The following ADCY2 variants were observed in gnomAD, a reference collection of about 807,000 sequenced individuals.
ADCY2 encodes adenylate cyclase 2, also known as adenylate cyclase type 2.
A neutral mutation model predicts 125.2 loss-of-function variants in ADCY2; 31 were observed. The observed-to-expected ratio is 0.25, with a 90% confidence interval of 0.19 to 0.33. The LOEUF is 0.33. ADCY2 is among the 10% of genes least tolerant of loss of function. ADCY2 has a pLI of 1.00. For missense variants in ADCY2, 904 were observed against 1,418.2 expected (o/e 0.64, Z 5.82); for synonymous variants, 512 against 548.4 (o/e 0.93, Z 0.93).
intron 16 of ADCY2, among the ~76,000 whole-genome samples, chr5:7,760,414 T>C (rs917326506): frequency 4.6e-5 from 7 of 152,166 alleles, no homozygotes; most frequent in Non-Finnish European, 1.0e-4. Flanking sequence ...GTGCACAAGC[T>C]AAGGTTCCAA....
chr5:7,688,516 G>A (rs1326830722), intron 4 of ADCY2, among the ~76,000 whole-genome samples: 6 of 152,008 alleles, frequency 3.9e-5, no homozygotes, highest in Admixed American at 1.3e-4. Context: ...TGATCTGCCC[G>A]CATCAGCCTC....
At chr5:7,546,183 T>G (rs1216314404) in intron 3 of ADCY2, among the ~76,000 whole-genome samples, 1 of 152,190 alleles carries the variant, frequency 6.6e-6, no homozygotes, top group Non-Finnish European at 1.5e-5. Flanking sequence ...TATGGTCCTT[T>G]CTTTACAAGA....
At chr5:7,696,779 C>T (rs2078570620) in intron 6 of ADCY2, among the ~76,000 whole-genome samples, 1 of 151,792 alleles carries the variant, frequency 6.6e-6, no homozygotes, top group Non-Finnish European at 1.5e-5. Flanking sequence ...TTGGGCCAAA[C>T]TCCCCAAGGT....
At chr5:7,805,923 GATT>G (rs1191796343) in intron 22 of ADCY2, among the ~76,000 whole-genome samples, 3 of 152,116 alleles carry the variant, frequency 2.0e-5, no homozygotes, top group African/African-American at 4.8e-5. Context: ...GTTGCCTTCA[GATT>G]ATTATTTTTT....
intron 2 of ADCY2, among the ~76,000 whole-genome samples, chr5:7,498,890 C>T (rs961473274): frequency 9.9e-5 from 15 of 152,112 alleles, no homozygotes; most frequent in African/African-American, 3.4e-4. Flanking sequence ...GGCCAAATGT[C>T]ACAAGTATAA....
At chr5:7,716,853 A>T (rs1039180542) in intron 11 of ADCY2, among the ~76,000 whole-genome samples, 6 of 152,234 alleles carry the variant, frequency 3.9e-5, no homozygotes, top group Non-Finnish European at 7.3e-5. Flanking sequence ...CCCAAACTTT[A>T]GTTGGATAAA....
At chr5:7,815,915 C>T (rs568133934) in intron 22 of ADCY2, among the ~76,000 whole-genome samples, 1 of 152,294 alleles carries the variant, frequency 6.6e-6, no homozygotes, top group East Asian at 1.9e-4. Context: ...AAGATCAAGT[C>T]GTCAGCAAGG....
At chr5:7,597,231 G>C (rs994815626) in intron 3 of ADCY2, among the ~76,000 whole-genome samples, 2 of 152,228 alleles carry the variant, frequency 1.3e-5, no homozygotes, top group African/African-American at 2.4e-5. Context: ...GCAGGGCCAG[G>C]GTGAGGCCAG....
chr5:7,764,828 GTATT>G (rs1293732886), intron 16 of ADCY2, among the ~76,000 whole-genome samples: 1 of 152,192 alleles, frequency 6.6e-6, no homozygotes, highest in Non-Finnish European at 1.5e-5. Context: ...ACTCTCTTGA[GTATT>G]TGACTGGCTA....
chr5:7,610,857 G>A (rs1051647632), intron 3 of ADCY2, among the ~76,000 whole-genome samples: 7 of 152,184 alleles, frequency 4.6e-5, no homozygotes, highest in African/African-American at 1.4e-4. Flanking sequence ...ATGGAATTTG[G>A]TTGTCAAATT....
chr5:7,786,844 C>T (rs752178291), intron 19 of ADCY2, among the ~76,000 whole-genome samples: 5 of 152,158 alleles, frequency 3.3e-5, no homozygotes, highest in Non-Finnish European at 5.9e-5. Flanking sequence ...CCCTGTACTC[C>T]AGCCCAGTAA....
chr5:7,567,512 C>T (rs922047607), intron 3 of ADCY2, among the ~76,000 whole-genome samples: 2 of 152,060 alleles, frequency 1.3e-5, no homozygotes, highest in African/African-American at 2.4e-5. Context: ...ATCTTCTGGC[C>T]TTCTTTCTAG....
intron 4 of ADCY2, among the ~76,000 whole-genome samples, chr5:7,680,966 A>T (rs1740309092): frequency 6.6e-6 from 1 of 152,248 alleles, no homozygotes; most frequent in Non-Finnish European, 1.5e-5. Context: ...TGTGCCAGCA[A>T]CATAGGTACA....
intron 19 of ADCY2, among the ~76,000 whole-genome samples, chr5:7,786,400 T>C (rs903341822): frequency 1.3e-5 from 2 of 152,246 alleles, no homozygotes; most frequent in African/African-American, 4.8e-5. Flanking sequence ...ATGGCCTCAG[T>C]TACTGTATTT....
intron 4 of ADCY2, among the ~76,000 whole-genome samples, chr5:7,656,867 GTA>G (rs1236465897): frequency 6.6e-6 from 1 of 152,190 alleles, no homozygotes; most frequent in African/African-American, 2.4e-5. Context: ...TGAACACATA[GTA>G]ACGGTTGAGT....
chr5:7,440,919 A>G (rs992018013), intron 2 of ADCY2, among the ~76,000 whole-genome samples: 3 of 152,156 alleles, frequency 2.0e-5, no homozygotes, highest in Non-Finnish European at 4.4e-5. Context: ...CAGCCCTTTG[A>G]GGTAGAAGAT....
intron 2 of ADCY2, among the ~76,000 whole-genome samples, chr5:7,455,018 T>C (rs1177714575): frequency 6.6e-6 from 1 of 152,186 alleles, no homozygotes; most frequent in Non-Finnish European, 1.5e-5. Context: ...CGAAAGAGTG[T>C]TTATACGGCT....
At chr5:7,491,586 T>G (rs1743166350) in intron 2 of ADCY2, among the ~76,000 whole-genome samples, 2 of 152,300 alleles carry the variant, frequency 1.3e-5, no homozygotes, top group South Asian at 4.1e-4. Context: ...TTTCTTTTTG[T>G]GCATTATATA....
intron 22 of ADCY2, among the ~76,000 whole-genome samples, chr5:7,808,859 T>C (rs1744844899): frequency 6.6e-6 from 1 of 152,264 alleles, no homozygotes; most frequent in South Asian, 2.1e-4. Flanking sequence ...CTTGTCTTCT[T>C]AGTTATCATT....
Sources: allele counts gnomAD v4.1 joint callset (sites outside exome capture counted in the v4.1 genomes callset), GRCh38; gene constraint gnomAD v4.1.1; transcripts MANE v1.5; gene names NCBI Gene and HGNC (gene_info 2026-07-23, HGNC 2026-07-21).